The following ARG2 variants were observed in gnomAD, a reference collection of about 807,000 sequenced individuals.
ARG2 encodes arginase-2, mitochondrial.
Under a neutral mutation model 39.4 loss-of-function variants are expected in ARG2, and 21 were observed. That is an observed-to-expected ratio of 0.53 (90% CI 0.38 to 0.77). The LOEUF (loss-of-function observed/expected upper bound fraction) is 0.77. ARG2 is among the 30% of genes least tolerant of loss of function. The pLI is 0.00. For missense variants in ARG2, 378 were observed against 426.2 expected (o/e 0.89, Z 1.00); for synonymous variants, 150 against 156.7 (o/e 0.96, Z 0.32).
rs201493180 is a variant in ARG2, at chr14:67,628,886, A to AAAAGG, written c.184+7922_184+7926dup. Among the ~76,000 whole-genome samples, 1,278 of 152,342 alleles carry AAAAGG rather than the reference A, an allele frequency of 8.4e-3. 17 individuals are homozygous for AAAAGG. Among genetic ancestry groups the AAAAGG allele is most frequent in the African/African-American group, 0.028 (1,158 of 41,574 alleles). On this transcript the variant is annotated intron_variant, in intron 2 of 7. Transcript: ENST00000261783. ...CAATTCCACTTCTGGGTATGTACCC[A>AAAAGG]AAAGGACTGAAAGCAGGATCTTGAA...
chr14:67,624,223 C>CT (rs1304863818), intron 2 of ARG2, among the ~76,000 whole-genome samples: 2 of 152,142 alleles, frequency 1.3e-5, no homozygotes, highest in Non-Finnish European at 2.9e-5. Context: ...GCCTTGTACT[C>CT]TTTTCTCCAG....
In ARG2 at chr14:67,650,344, G is replaced by C. The variant is rs189413149; in HGVS notation, c.860-371G>C. 4 of 259,660 alleles carry C rather than the reference G, an allele frequency of 1.5e-5. No individual in the cohort carries two copies. In the East Asian group the frequency reaches 3.8e-4, roughly 25 times the overall value. The allele number at this position is 259,660 out of a possible 1,614,324, so 16.1% of individuals were successfully genotyped here. On this transcript the variant is annotated intron_variant, in intron 7 of 7. Coordinates refer to ENST00000261783, the MANE Select transcript of ARG2 (RefSeq NM_001172.4). ...TGATTCATTTCCAGGCAGGCATCTG[G>C]AAGGTTCCTAGTCATACTGGAGGTG...
chr14:67,648,571 T>C (rs979049810), intron 7 of ARG2: 1 of 158,858 alleles, frequency 6.3e-6, no homozygotes, highest in African/African-American at 2.4e-5. Flanking sequence ...GTTGTGAATT[T>C]GGAGCTAAAG....
chr14:67,639,357 G>A (rs2037006268), intron 2 of ARG2, among the ~76,000 whole-genome samples: 1 of 152,124 alleles, frequency 6.6e-6, no homozygotes, highest in Non-Finnish European at 1.5e-5. Context: ...TTGAATGAAA[G>A]TGCTTGGCAA....
intron 4 of ARG2, among the ~76,000 whole-genome samples, chr14:67,646,037 T>C (rs368315041): frequency 5.9e-5 from 9 of 152,200 alleles, no homozygotes; most frequent in Non-Finnish European, 1.3e-4. Context: ...GCGACTGATA[T>C]ACCCACAGCC....
At chr14:67,641,703 G>A (rs377226441) in intron 2 of ARG2, among the ~76,000 whole-genome samples, 1 of 152,206 alleles carries the variant, frequency 6.6e-6, no homozygotes, top group East Asian at 1.9e-4. Flanking sequence ...ACTTTGGGAG[G>A]ATGAGGCGGG....
chr14:67,634,647 T>G (rs2036951932), intron 2 of ARG2, among the ~76,000 whole-genome samples: 1 of 151,670 alleles, frequency 6.6e-6, no homozygotes, highest in South Asian at 2.1e-4. Flanking sequence ...TATTGCTCCC[T>G]TTTTTGAAAT....
chr14:67,629,921 T>C (rs565556595), intron 2 of ARG2, among the ~76,000 whole-genome samples: 95 of 152,340 alleles, frequency 6.2e-4, no homozygotes, highest in African/African-American at 2.3e-3. Context: ...AAAGTGATCA[T>C]TTGTAAGACA....
At chr14:67,641,403 C>T (rs2037029360) in intron 2 of ARG2, among the ~76,000 whole-genome samples, 1 of 152,126 alleles carries the variant, frequency 6.6e-6, no homozygotes, top group Non-Finnish European at 1.5e-5. Flanking sequence ...GCCAGATGGC[C>T]TAGATTTGGA....
rs771513122 is a variant in ARG2, at chr14:67,620,096, C to G, written c.111+8C>G. ...CCGTTCTCACAAGGGCAGGTGAGAA[C>G]TGGCACCTGGAACCGCCGGGCAGGA... is the stretch of plus-strand genomic sequence containing the variant. On this transcript the variant is annotated splice_region_variant and intron_variant, in intron 1 of 7. Transcript: ENST00000261783. 34 of 1,581,606 alleles carry G rather than the reference C, an allele frequency of 2.1e-5. No homozygotes were observed. In the Admixed American group the frequency reaches 5.9e-4, roughly 28 times the overall value.
rs552451284 is a variant in ARG2, at chr14:67,626,023, G to A, written c.184+5057G>A. 5.9e-5 allele frequency among the ~76,000 whole-genome samples: 9 copies of A among 152,264 alleles called. No individual in the cohort carries two copies. In the East Asian group the frequency reaches 1.5e-3, roughly 26 times the overall value. On this transcript the variant is annotated intron_variant, in intron 2 of 7. Coordinates refer to ENST00000261783, the MANE Select transcript of ARG2 (RefSeq NM_001172.4). ...AATCCCAGTACTTTGGGAGGCTGAG[G>A]CGGGCAGATCATTTCAGGTCAGGAG... is the stretch of plus-strand genomic sequence containing the variant.
intron 2 of ARG2, among the ~76,000 whole-genome samples, chr14:67,636,576 G>A (rs545440683): frequency 6.6e-6 from 1 of 152,220 alleles, no homozygotes; most frequent in Non-Finnish European, 1.5e-5. Flanking sequence ...GCTAAGGTCA[G>A]GTAAGGCTGT....
intron 2 of ARG2, among the ~76,000 whole-genome samples, chr14:67,621,992 G>C (rs1056793766): frequency 1.3e-4 from 20 of 152,074 alleles, no homozygotes; most frequent in African/African-American, 4.6e-4. Flanking sequence ...AGCTACTCAG[G>C]AGCCTGAGAC....
At chr14:67,643,852 T>TAAAAAAAAAA (rs553614739) in intron 3 of ARG2, among the ~76,000 whole-genome samples, 3 of 81,216 alleles carry the variant, frequency 3.7e-5, no homozygotes, top group Non-Finnish European at 7.8e-5. Context: ...TCCTTGGGAG[T>TAAAAAAAAAA]AAAAAAAAAA....
chr14:67,647,236 TTC>T, intron 6 of ARG2: 2 of 455,578 alleles, frequency 4.4e-6, no homozygotes, highest in Non-Finnish European at 7.8e-6. Context: ...TGCCTAGATC[TTC>T]TGTCTCATGA....
chr14:67,639,380 CGTTA>C (rs2037006566), intron 2 of ARG2, among the ~76,000 whole-genome samples: 1 of 152,074 alleles, frequency 6.6e-6, no homozygotes, highest in Non-Finnish European at 1.5e-5. Flanking sequence ...AGTTCTGAAA[CGTTA>C]GTTAATATTA....
chr14:67,647,529 C>T (rs2037115770), intron 6 of ARG2: 1 of 156,180 alleles, frequency 6.4e-6, no homozygotes, highest in African/African-American at 2.4e-5. Context: ...TTAGCTTCAG[C>T]CTTTGGACAC....
chr14:67,651,646 G>GT lies in ARG2; in HGVS notation c.*726_*727insT. ...CATAAGGTTCTTTAGCTGTCACTTA[G>GT]GGATAACACTGTCTACCTCACAGAA... On this transcript the variant is annotated 3_prime_UTR_variant, in exon 8 of 8. Transcript: ENST00000261783. 3.2e-6 allele frequency: 2 copies of GT among 623,416 alleles called. No homozygotes were observed. The highest frequency in any genetic ancestry group is 5.3e-6 in the Non-Finnish European group (2 of 379,926). The allele number at this position is 623,416 out of a possible 1,614,324, so 38.6% of individuals were successfully genotyped here.
chr14:67,633,424 C>A (rs977109482), intron 2 of ARG2, among the ~76,000 whole-genome samples: 2 of 152,172 alleles, frequency 1.3e-5, no homozygotes, highest in East Asian at 3.8e-4. Context: ...CAGCCATTGA[C>A]GATTGCCTAG....
Sources: allele counts gnomAD v4.1 joint callset (sites outside exome capture counted in the v4.1 genomes callset), GRCh38; gene constraint gnomAD v4.1.1; transcripts MANE v1.5; gene names NCBI Gene and HGNC (gene_info 2026-07-23, HGNC 2026-07-21).